TRPS1: variants seen among roughly 807,000 people sequenced by gnomAD.
TRPS1 encodes transcriptional repressor GATA binding 1.
A neutral mutation model predicts 101.2 loss-of-function variants in TRPS1; 6 were observed. The observed-to-expected ratio is 0.06, with a 90% confidence interval of 0.03 to 0.12. The LOEUF is 0.12. Among genes scored for constraint, TRPS1 ranks in the 10% least tolerant of loss-of-function variants. The probability of loss-of-function intolerance (pLI) is 1.00; values close to 1 mark genes in which losing one functional copy is unlikely to be tolerated. For synonymous variants in TRPS1, 578 were observed against 589.8 expected, an observed-to-expected ratio of 0.98 and a Z score of 0.29; for missense variants, 1,363 against 1,567.0, an observed-to-expected ratio of 0.87 and a Z score of 2.20.
chr8:115,667,945 C>T, intron 1 of TRPS1: 5 of 1,531,008 alleles, frequency 3.3e-6, no homozygotes, highest in Non-Finnish European at 4.4e-6. Flanking sequence ...GTGGCGGCGG[C>T]GGCGGCGGCC....
chr8:115,518,220 C>A (rs1815769676), intron 5 of TRPS1, among the ~76,000 whole-genome samples: 1 of 151,632 alleles, frequency 6.6e-6, no homozygotes, highest in Non-Finnish European at 1.5e-5. Context: ...AATGACAATA[C>A]TATAAATTTA....
At chr8:115,576,688 A>G (rs1817327048) in intron 5 of TRPS1, among the ~76,000 whole-genome samples, 1 of 152,308 alleles carries the variant, frequency 6.6e-6, no homozygotes, top group Admixed American at 6.5e-5. Flanking sequence ...AAATACAGGC[A>G]GGCCTGAACC....
intron 5 of TRPS1, among the ~76,000 whole-genome samples, chr8:115,518,586 T>A (rs964907669): frequency 6.6e-6 from 1 of 151,818 alleles, no homozygotes; most frequent in African/African-American, 2.4e-5. Flanking sequence ...AAATTATGAA[T>A]TATTTTTCCT....
intron 5 of TRPS1, among the ~76,000 whole-genome samples, chr8:115,542,120 T>A (rs1218611442): frequency 6.6e-6 from 1 of 152,172 alleles, no homozygotes; most frequent in Non-Finnish European, 1.5e-5. Flanking sequence ...CACAGCACAA[T>A]AAGACTACTG....
intron 1 of TRPS1, among the ~76,000 whole-genome samples, chr8:115,634,470 A>C (rs1236281077): frequency 6.6e-6 from 1 of 152,230 alleles, no homozygotes; most frequent in Non-Finnish European, 1.5e-5. Context: ...ACTTAAAGTT[A>C]ATCACATCCA....
At chr8:115,584,651 G>A (rs1401206009) in intron 5 of TRPS1, among the ~76,000 whole-genome samples, 2 of 149,776 alleles carry the variant, frequency 1.3e-5, no homozygotes, top group Non-Finnish European at 3.0e-5. Flanking sequence ...TCTACCACTG[G>A]TAGGGTAATG....
intron 5 of TRPS1, among the ~76,000 whole-genome samples, chr8:115,561,721 A>T (rs1262167068): frequency 6.6e-6 from 1 of 152,056 alleles, no homozygotes; most frequent in Non-Finnish European, 1.5e-5. Flanking sequence ...AGTCATGCAC[A>T]GCTACGAATG....
chr8:115,533,439 T>TCTTTTTTTG (rs1816191301), intron 5 of TRPS1, among the ~76,000 whole-genome samples: 1 of 116,696 alleles, frequency 8.6e-6, no homozygotes, highest in African/African-American at 4.3e-5. Flanking sequence ...GTAATCTGTT[T>TCTTTTTTTG]TTTTTTTTTT....
chr8:115,467,134 T>G (rs1275579038), intron 5 of TRPS1, among the ~76,000 whole-genome samples: 1 of 152,106 alleles, frequency 6.6e-6, no homozygotes, highest in African/African-American at 2.4e-5. Context: ...AAATCATTTA[T>G]GTAAAGGGAA....
chr8:115,463,435 TTCTG>T (rs1434268146), intron 5 of TRPS1, among the ~76,000 whole-genome samples: 2 of 152,160 alleles, frequency 1.3e-5, no homozygotes, highest in African/African-American at 2.4e-5. Context: ...TCCTCATAAA[TTCTG>T]TCTGTCTAAA....
At chr8:115,460,207 A>T (rs1433100012) in intron 5 of TRPS1, among the ~76,000 whole-genome samples, 1 of 152,106 alleles carries the variant, frequency 6.6e-6, no homozygotes, top group Non-Finnish European at 1.5e-5. Flanking sequence ...TCCATCCTGT[A>T]ACACAATCAC....
intron 5 of TRPS1, among the ~76,000 whole-genome samples, chr8:115,579,334 G>T (rs1411157556): frequency 6.6e-6 from 1 of 151,974 alleles, no homozygotes; most frequent in Non-Finnish European, 1.5e-5. Context: ...CTACAAACAG[G>T]TATTCTTGTG....
chr8:115,660,571 T>C (rs1223308345), intron 1 of TRPS1, among the ~76,000 whole-genome samples: 4 of 151,688 alleles, frequency 2.6e-5, no homozygotes, highest in African/African-American at 7.3e-5. Context: ...AATTAACAGA[T>C]AAAGCTATTA....
rs138808329 is a variant in TRPS1, at chr8:115,507,982, C to G, written c.2700+79019G>C. On this transcript the variant is annotated intron_variant, in intron 5 of 6. Transcript: ENST00000395715. ...ATCAAGATAATTTTTGTTCTTTGTT[C>G]CTTGAAAAAAATGCTAACAACTTGC... Among the ~76,000 whole-genome samples, 452 of 151,754 alleles carry G rather than the reference C, an allele frequency of 3.0e-3. 1 individual carries two copies. The highest frequency in any genetic ancestry group is 5.1e-3 in the Non-Finnish European group (346 of 67,886).
intron 5 of TRPS1, among the ~76,000 whole-genome samples, chr8:115,472,116 C>T (rs1195278856): frequency 1.3e-5 from 2 of 152,200 alleles, no homozygotes; most frequent in Non-Finnish European, 2.9e-5. Context: ...TGGGGGGGCT[C>T]CTACCGCACA....
At chr8:115,434,791 C>T (rs981053703) in intron 5 of TRPS1, among the ~76,000 whole-genome samples, 4 of 152,128 alleles carry the variant, frequency 2.6e-5, no homozygotes, top group South Asian at 2.1e-4. Flanking sequence ...TATAACCTGT[C>T]GAAATGTTCT....
intron 5 of TRPS1, among the ~76,000 whole-genome samples, chr8:115,570,689 TCACACACACACACA>T (rs35198890): frequency 1.0e-5 from 1 of 95,754 alleles, no homozygotes; most frequent in Non-Finnish European, 2.0e-5. Flanking sequence ...ACACACACAC[TCACACACACACACA>T]CACACACACA....
chr8:115,497,905 A>C (rs2130128844), intron 5 of TRPS1, among the ~76,000 whole-genome samples: 1 of 142,988 alleles, frequency 7.0e-6, no homozygotes, highest in South Asian at 2.3e-4. Context: ...AGAGGCATCC[A>C]AAAAGGAGAG....
chr8:115,593,489 G>A (rs544137429), intron 4 of TRPS1, among the ~76,000 whole-genome samples: 14 of 152,196 alleles, frequency 9.2e-5, no homozygotes, highest in African/African-American at 2.6e-4. Flanking sequence ...GGTTGTTCAG[G>A]AATTAGTACC....
Sources: allele counts gnomAD v4.1 joint callset (sites outside exome capture counted in the v4.1 genomes callset), GRCh38; gene constraint gnomAD v4.1.1; transcripts MANE v1.5; gene names NCBI Gene and HGNC (gene_info 2026-07-23, HGNC 2026-07-21).